Variants in ANKRD11 observed in about 807,000 individuals in gnomAD.
ANKRD11 encodes ankyrin repeat domain 11, also known as ankyrin repeat domain-containing protein 11.
Under a neutral mutation model 195.7 loss-of-function variants are expected in ANKRD11, and 17 were observed. The observed-to-expected ratio is 0.09, with a 90% CI of 0.06 to 0.13. ANKRD11 has a LOEUF of 0.13. Among genes scored for constraint, ANKRD11 ranks in the 10% least tolerant of loss-of-function variants. ANKRD11 has a pLI of 1.00. For synonymous variants in ANKRD11, 1,953 were observed against 1,528.1 expected (o/e 1.28, Z -6.49); for missense variants, 3,735 against 3,566.1 (o/e 1.05, Z -1.21).
At chr16:89,466,898 G>A (rs1047991765) in intron 1 of ANKRD11, among the ~76,000 whole-genome samples, 2 of 152,204 alleles carry the variant, frequency 1.3e-5, no homozygotes, top group African/African-American at 4.8e-5. Flanking sequence ...GGAGGTCAGT[G>A]GCCGGAGATG....
In ANKRD11 at chr16:89,485,209, C is replaced by T. The variant is rs141972597; in HGVS notation, c.-145+5036G>A. ...TAGCACTGTGGGGTTTCTGGCTAGG[C>T]GCGGTAGTTCACACCTGTAATCCCA... On this transcript the variant is annotated intron_variant, in intron 1 of 12. Transcript: ENST00000301030. 5.2e-3 allele frequency among the ~76,000 whole-genome samples: 785 copies of T among 151,984 alleles called. 5 individuals are homozygous for T. Among genetic ancestry groups the T allele is most frequent in the African/African-American group, 0.018 (760 of 41,434 alleles).
chr16:89,345,418 G>A (rs920482793), intron 2 of ANKRD11, among the ~76,000 whole-genome samples: 1 of 152,206 alleles, frequency 6.6e-6, no homozygotes. Context: ...TTAAGGGCTA[G>A]CACTGGGAGG....
intron 2 of ANKRD11, among the ~76,000 whole-genome samples, chr16:89,378,743 C>G (rs115306589): frequency 6.6e-6 from 1 of 152,140 alleles, no homozygotes; most frequent in Non-Finnish European, 1.5e-5. Context: ...CCATGCCTGG[C>G]TAATTTTTTG....
Position 89,291,202 on chromosome 16 carries a change from A to G in ANKRD11, c.227-19T>C. ...TGCTTCTCTGTGAGGCGGGCGAGGG[A>G]GAGAGGGAGGAGAGATTTCATGCCA... On this transcript the variant is annotated intron_variant, in intron 4 of 12. Transcript: ENST00000301030. The surrounding 1 kb of genome is among the most constrained non-coding windows in gnomAD (Gnocchi z 5.3). 1.2e-6 allele frequency: 2 copies of G among 1,612,096 alleles called. No individual in the cohort carries two copies. The highest frequency in any genetic ancestry group is 1.7e-6 in the Non-Finnish European group (2 of 1,179,852).
chr16:89,447,948 G>A (rs2043877871), intron 1 of ANKRD11, among the ~76,000 whole-genome samples: 1 of 151,966 alleles, frequency 6.6e-6, no homozygotes, highest in African/African-American at 2.4e-5. Flanking sequence ...GGGACTACAG[G>A]CGCCCACCAC....
intron 2 of ANKRD11, among the ~76,000 whole-genome samples, chr16:89,356,744 G>A (rs1326280146): frequency 7.2e-6 from 1 of 139,234 alleles, no homozygotes; most frequent in African/African-American, 2.7e-5. Context: ...TCGCACCACT[G>A]CACTCTAGCC....
At chr16:89,382,965 C>G (rs1320312919) in intron 2 of ANKRD11, among the ~76,000 whole-genome samples, 2 of 152,336 alleles carry the variant, frequency 1.3e-5, no homozygotes, top group Middle Eastern at 3.4e-3. Flanking sequence ...CTCAGCCTCC[C>G]GAGGAGCTGG....
intron 2 of ANKRD11, among the ~76,000 whole-genome samples, chr16:89,333,101 G>C (rs1011153463): frequency 6.6e-6 from 1 of 152,218 alleles, no homozygotes; most frequent in African/African-American, 2.4e-5. Context: ...CCTGGTGTGA[G>C]GTCACAGACT....
At chr16:89,405,971 G>A (rs1438535264) in intron 2 of ANKRD11, among the ~76,000 whole-genome samples, 1 of 152,052 alleles carries the variant, frequency 6.6e-6, no homozygotes, top group East Asian at 1.9e-4. Context: ...CTTACCGGGC[G>A]TGGTGGCACA....
At chr16:89,278,933 G>T in intron 9 of ANKRD11, 139 bp downstream of exon 9, 6 of 1,361,948 alleles carry the variant, frequency 4.4e-6, no homozygotes, top group Non-Finnish European at 6.1e-6. Flanking sequence ...AAGTGGGGCT[G>T]TGTCTCCTCA....
chr16:89,342,971 C>T, intron 2 of ANKRD11, among the ~76,000 whole-genome samples: 1 of 152,194 alleles, frequency 6.6e-6, no homozygotes, highest in Non-Finnish European at 1.5e-5. Context: ...ATTTGGGATG[C>T]ACAAACCAAT....
At chr16:89,396,929 C>T (rs1162711372) in intron 2 of ANKRD11, among the ~76,000 whole-genome samples, 3 of 142,162 alleles carry the variant, frequency 2.1e-5, no homozygotes, top group African/African-American at 7.7e-5. Flanking sequence ...TCAGGTGATC[C>T]AGCTGCCTCG....
At chr16:89,271,908 T>A (rs551218134) in intron 11 of ANKRD11, 28 of 151,948 alleles carry the variant, frequency 1.8e-4, no homozygotes, top group African/African-American at 6.0e-4. Context: ...TCACATCAAG[T>A]TCAAAAGCTT....
chr16:89,389,289 T>G (rs780136878), intron 2 of ANKRD11, among the ~76,000 whole-genome samples: 1 of 151,968 alleles, frequency 6.6e-6, no homozygotes, highest in Non-Finnish European at 1.5e-5. Flanking sequence ...CTTCCTACAG[T>G]GCTGGGATTA....
chr16:89,286,298 G>A, intron 7 of ANKRD11, 112 bp from the exon 8 acceptor site: 6 of 1,459,416 alleles, frequency 4.1e-6, no homozygotes, highest in Non-Finnish European at 5.7e-6. Flanking sequence ...CCCGAGAGCA[G>A]CCCCTCACGG....
chr16:89,268,943 C>T (rs997898675), intron 12 of ANKRD11, among the ~76,000 whole-genome samples: 1 of 152,258 alleles, frequency 6.6e-6, no homozygotes, highest in African/African-American at 2.4e-5. Context: ...CTGGGTGGGC[C>T]TGGGACTCAC....
At chr16:89,339,548 C>G (rs76634941) in intron 2 of ANKRD11, among the ~76,000 whole-genome samples, 7,279 of 152,200 alleles carry the variant, frequency 0.048, 627 homozygotes, top group African/African-American at 0.17. Context: ...TAGACGAACC[C>G]TCAATTTATT....
intron 2 of ANKRD11, among the ~76,000 whole-genome samples, chr16:89,377,641 T>A (rs1172919643): frequency 6.6e-6 from 1 of 152,024 alleles, no homozygotes; most frequent in Non-Finnish European, 1.5e-5. Flanking sequence ...GAAAACAAAG[T>A]GACATCAGAC....
At chr16:89,328,998 G>A (rs1243846748) in intron 2 of ANKRD11, 1 of 148,620 alleles carries the variant, frequency 6.7e-6, no homozygotes, top group Non-Finnish European at 1.5e-5. Context: ...GACATACCCA[G>A]GCGCACGGGC....
Sources: gnomAD v4.1 joint callset for allele counts (sites outside exome capture counted in the v4.1 genomes callset) on GRCh38, gnomAD v4.1.1 for gene constraint, Gnocchi (gnomAD v3.1) non-coding constraint, MANE v1.5 for transcripts, NCBI Gene and HGNC (gene_info 2026-07-23, HGNC 2026-07-21) for gene names.